MIA2: variants seen among roughly 807,000 people sequenced by gnomAD.
MIA2 encodes the protein melanoma inhibitory activity protein 2.
In MIA2, 127 loss-of-function variants were observed where a neutral mutation model predicts 167.8. That is an observed-to-expected ratio of 0.76 (90% CI 0.66 to 0.88). MIA2 has a LOEUF of 0.88. Among genes scored for constraint, MIA2 ranks in the 40% least tolerant of loss-of-function variants. The pLI is 0.00. For missense variants in MIA2, 1,690 were observed against 1,624.7 expected (o/e 1.04, Z -0.69); for synonymous variants, 552 against 541.9 (o/e 1.02, Z -0.26).
chr14:39,245,730 CTGG>C (rs1277628410), intron 3 of MIA2, among the ~76,000 whole-genome samples: 1 of 152,152 alleles, frequency 6.6e-6, no homozygotes, highest in Non-Finnish European at 1.5e-5. Flanking sequence ...AGGCGCTGAA[CTGG>C]TGGTCCTTTT....
chr14:39,351,676 A>G (rs542294174), downstream of MIA2, among the ~76,000 whole-genome samples: 18 of 145,894 alleles, frequency 1.2e-4, no homozygotes, highest in South Asian at 2.7e-3. Context: ...AGGAGTATGC[A>G]GCAAGAAGGT....
intron 23 of MIA2, among the ~76,000 whole-genome samples, chr14:39,375,437 T>G (rs571845721): frequency 6.6e-6 from 1 of 152,346 alleles, no homozygotes; most frequent in East Asian, 1.9e-4. Flanking sequence ...GGCTCACACC[T>G]GTAATCCCAG....
Position 39,293,563 on chromosome 14 carries a change from T to G in MIA2, c.2319+182T>G, listed in dbSNP as rs1464942272. Among the ~76,000 whole-genome samples the G allele has an allele frequency of 7.9e-5, 12 of 152,218 alleles. No homozygotes were observed. In the South Asian group the frequency reaches 1.4e-3, roughly 18 times the overall value. ...TTCCCCCAGATGTTACTGTGTTAAATTTCTTGCATATTTTTATAGAAATTT... is the reference window on the plus strand; with the variant it reads ...TTCCCCCAGATGTTACTGTGTTAAAGTTCTTGCATATTTTTATAGAAATTT... On this transcript the variant is annotated intron_variant, in intron 11 of 28. Coordinates refer to ENST00000640607, the MANE Select transcript of MIA2 (RefSeq NM_001329214.4).
intron 9 of MIA2, among the ~76,000 whole-genome samples, chr14:39,286,341 A>G (rs1197461468): frequency 6.6e-6 from 1 of 151,956 alleles, no homozygotes; most frequent in African/African-American, 2.4e-5. Context: ...GGCACTCGGC[A>G]GGCTGAGGCA....
chr14:39,266,995 C>G (rs1175468750), intron 6 of MIA2: 1 of 840,340 alleles, frequency 1.2e-6, no homozygotes, highest in African/African-American at 1.8e-5. Context: ...ATCTCATCCT[C>G]TAGTCCCAAG....
At chr14:39,312,684 G>A (rs1029845553) in intron 18 of MIA2, among the ~76,000 whole-genome samples, 4 of 61,582 alleles carry the variant, frequency 6.5e-5, no homozygotes, top group Admixed American at 6.4e-4. Flanking sequence ...GTGCTTCATT[G>A]TCGTTTTTGT....
At chr14:39,234,483 T>C (rs73275076) in intron 1 of MIA2, among the ~76,000 whole-genome samples, 2,892 of 152,214 alleles carry the variant, frequency 0.019, 102 homozygotes, top group African/African-American at 0.066. Flanking sequence ...AGTCAGTCCT[T>C]TTACTATTTT....
At chr14:39,378,365 A>T (rs181139367) in intron 23 of MIA2, among the ~76,000 whole-genome samples, 20 of 152,320 alleles carry the variant, frequency 1.3e-4, no homozygotes, top group Admixed American at 1.3e-3. Flanking sequence ...AAACCTCATG[A>T]ATACATCAGC....
intron 24 of MIA2, among the ~76,000 whole-genome samples, chr14:39,325,736 T>C (rs745372814): frequency 2.7e-5 from 4 of 150,642 alleles, no homozygotes; most frequent in East Asian, 2.0e-4. Flanking sequence ...TTTTTTGAGA[T>C]GGAGTCTCAC....
intron 22 of MIA2, 94 bp from the exon 23 acceptor site, chr14:39,319,115 A>G (rs1241734760): frequency 1.4e-5 from 8 of 570,428 alleles, no homozygotes; most frequent in Middle Eastern, 2.8e-4. Flanking sequence ...AGATATTAAA[A>G]TAGTGAAGAG....
chr14:39,380,307 A>T (rs2075128944), intron 23 of MIA2, among the ~76,000 whole-genome samples: 1 of 152,198 alleles, frequency 6.6e-6, no homozygotes. Flanking sequence ...TCAAACAAAA[A>T]ATTTTGTATA....
intron 9 of MIA2, among the ~76,000 whole-genome samples, chr14:39,281,670 G>A (rs575385431): frequency 6.7e-6 from 1 of 149,494 alleles, no homozygotes; most frequent in African/African-American, 2.5e-5. Context: ...AGGCTGGAGT[G>A]GAGTGCAGTA....
intron 23 of MIA2, among the ~76,000 whole-genome samples, chr14:39,377,071 A>G (rs1428141483): frequency 6.6e-6 from 1 of 152,162 alleles, no homozygotes; most frequent in African/African-American, 2.4e-5. Context: ...AATCTTTCAG[A>G]TAAAGCATTT....
chr14:39,255,426 T>G (rs1375208535), intron 6 of MIA2, among the ~76,000 whole-genome samples: 1 of 152,200 alleles, frequency 6.6e-6, no homozygotes, highest in Admixed American at 6.5e-5. Flanking sequence ...AAGAATTGCT[T>G]GAACCTGGGA....
intron 23 of MIA2, among the ~76,000 whole-genome samples, chr14:39,357,747 G>T (rs1429684038): frequency 1.3e-5 from 2 of 152,122 alleles, no homozygotes; most frequent in African/African-American, 4.8e-5. Context: ...GGGCAGGCCT[G>T]GTGGTGACAA....
intron 6 of MIA2, chr14:39,253,734 G>A (rs1039255048): frequency 6.6e-6 from 1 of 151,694 alleles, no homozygotes; most frequent in Non-Finnish European, 1.5e-5. Flanking sequence ...ATGGTATAAT[G>A]TTGGAGTACA....
intron 6 of MIA2, chr14:39,265,948 A>C (rs1176219374): frequency 1.0e-6 from 1 of 984,774 alleles, no homozygotes; most frequent in Admixed American, 6.2e-5. Context: ...ATTTCCTGAA[A>C]CTCCTCAGGC....
intron 25 of MIA2, among the ~76,000 whole-genome samples, chr14:39,337,625 C>T (rs1465976962): frequency 6.6e-6 from 1 of 152,140 alleles, no homozygotes; most frequent in Non-Finnish European, 1.5e-5. Context: ...AAATAATAAA[C>T]TATTGATACA....
intron 23 of MIA2, among the ~76,000 whole-genome samples, chr14:39,374,735 G>T (rs2075014583): frequency 6.6e-6 from 1 of 152,180 alleles, no homozygotes; most frequent in Non-Finnish European, 1.5e-5. Context: ...CAGGTCTGAG[G>T]GATGTTTCTG....
Sources: allele counts gnomAD v4.1 joint callset (sites outside exome capture counted in the v4.1 genomes callset), GRCh38; gene constraint gnomAD v4.1.1; transcripts MANE v1.5; gene names NCBI Gene and HGNC (gene_info 2026-07-23, HGNC 2026-07-21).